Variants in PKHD1 observed in about 807,000 individuals in gnomAD.
PKHD1 encodes PKHD1 ciliary IPT domain containing fibrocystin/polyductin.
Under a neutral mutation model 412.0 loss-of-function variants are expected in PKHD1, and 291 were observed. That is an observed-to-expected ratio of 0.71 (90% CI 0.64 to 0.78). The LOEUF is 0.78. Ranked by LOEUF, PKHD1 falls within the 30% of genes least tolerant of loss-of-function variation. The pLI is 0.00. For missense variants in PKHD1, 4,825 were observed against 4,950.7 expected, an observed-to-expected ratio of 0.97 and a Z score of 0.76; for synonymous variants, 1,777 against 1,821.5, an observed-to-expected ratio of 0.98 and a Z score of 0.62.
chr6:51,694,149 T>A (rs918352751), intron 60 of PKHD1, among the ~76,000 whole-genome samples: 2 of 152,116 alleles, frequency 1.3e-5, no homozygotes, highest in African/African-American at 2.4e-5. Context: ...ATGCTTTTTT[T>A]TAAATTTTCT....
chr6:51,998,729 C>T (rs1798004235), intron 35 of PKHD1, among the ~76,000 whole-genome samples: 1 of 151,794 alleles, frequency 6.6e-6, no homozygotes, highest in Non-Finnish European at 1.5e-5. Flanking sequence ...AGTTTATTCC[C>T]TCATTAAATG....
At chr6:51,922,159 T>C (rs932237801) in intron 37 of PKHD1, among the ~76,000 whole-genome samples, 1 of 152,228 alleles carries the variant, frequency 6.6e-6, no homozygotes, top group African/African-American at 2.4e-5. Flanking sequence ...TCCTTTCTGT[T>C]AGTTTTCCTT....
rs542423610 is a variant in PKHD1 at position 51,615,771 on chromosome 6, G to C, written c.*3310C>G. The C allele has an allele frequency of 1.3e-5, 2 of 152,246 alleles. No individual in the cohort carries two copies. The highest frequency in any genetic ancestry group is 4.2e-4 in the South Asian group (2 of 4,818). The allele number at this position is 152,246 out of a possible 1,614,324, so 9.4% of individuals were successfully genotyped here. On this transcript the variant is annotated 3_prime_UTR_variant, in exon 67 of 67. Coordinates refer to ENST00000371117, the MANE Select transcript of PKHD1 (RefSeq NM_138694.4). ...GTCATTCAACTAAATTGTTGAAAGG[G>C]GAAGGCCCTGAGAGAGCTCAACTGT... is the stretch of plus-strand genomic sequence containing the variant.
intron 36 of PKHD1, among the ~76,000 whole-genome samples, chr6:51,959,328 A>G (rs1379153512): frequency 6.6e-6 from 1 of 152,152 alleles, no homozygotes; most frequent in Admixed American, 6.6e-5. Context: ...TGACTTAGCC[A>G]TTTGAAGATG....
chr6:51,789,117 T>C (rs1793344127), intron 53 of PKHD1, among the ~76,000 whole-genome samples: 1 of 152,158 alleles, frequency 6.6e-6, no homozygotes, highest in Non-Finnish European at 1.5e-5. Context: ...AAAACAAAGT[T>C]GTGTTTAGAG....
intron 60 of PKHD1, among the ~76,000 whole-genome samples, chr6:51,689,788 T>C (rs1025884432): frequency 6.6e-6 from 1 of 152,136 alleles, no homozygotes; most frequent in Non-Finnish European, 1.5e-5. Flanking sequence ...CAGCTAATTA[T>C]GGGGGTGAAA....
chr6:52,016,571 G>A (rs1800562346), intron 34 of PKHD1, among the ~76,000 whole-genome samples: 1 of 149,574 alleles, frequency 6.7e-6, no homozygotes, highest in Non-Finnish European at 1.5e-5. Flanking sequence ...GGGAGGCAGA[G>A]GTTGCAATGA....
intron 55 of PKHD1, among the ~76,000 whole-genome samples, chr6:51,769,459 C>T (rs534124366): frequency 3.4e-4 from 51 of 151,362 alleles, no homozygotes; most frequent in African/African-American, 1.2e-3. Context: ...ATATTTTTTA[C>T]ATTATAACTC....
intron 31 of PKHD1, among the ~76,000 whole-genome samples, chr6:52,026,944 T>C (rs1802279449): frequency 6.6e-6 from 1 of 152,244 alleles, no homozygotes; most frequent in Non-Finnish European, 1.5e-5. Flanking sequence ...ATCTTACACA[T>C]GATCACAACT....
intron 52 of PKHD1, among the ~76,000 whole-genome samples, chr6:51,794,399 G>T (rs1794258187): frequency 6.6e-6 from 1 of 151,958 alleles, no homozygotes; most frequent in South Asian, 2.1e-4. Context: ...GTAAATTTAA[G>T]ATCCTTATAG....
Position 51,748,639 on chromosome 6 carries a change from T to C in PKHD1, c.8977A>G (p.Ile2993Val). 6.2e-7 allele frequency: 1 copy of C among 1,613,868 alleles called. No homozygotes were observed. Among genetic ancestry groups the C allele is most frequent in the South Asian group, 1.1e-5 (1 of 91,076 alleles). ...SGVLQLLNVE[I>V]QNFGSPLYSS... is the part of the protein sequence containing the mutation. ...TACAATGGTGACCCGAAGTTCTGAA[T>C]TTCCACATTAAGAAGTTGAAGGACA... Residue 2993 changes from isoleucine to valine, a missense_variant, in exon 58 of 67, where the codon ATT becomes GTT. Physicochemically the swap from Ile to Val is conservative, Grantham distance 29. Coordinates refer to ENST00000371117, the MANE Select transcript of PKHD1 (RefSeq NM_138694.4).
At chr6:51,804,359 T>TGGGG (rs147210503) in intron 52 of PKHD1, among the ~76,000 whole-genome samples, 2 of 31,858 alleles carry the variant, frequency 6.3e-5, no homozygotes, top group Admixed American at 4.5e-4. Context: ...ACTAATTCAT[T>TGGGG]GGGGGGGGGG....
intron 60 of PKHD1, among the ~76,000 whole-genome samples, chr6:51,664,739 G>A (rs1054842415): frequency 6.6e-6 from 1 of 152,076 alleles, no homozygotes; most frequent in African/African-American, 2.4e-5. Flanking sequence ...TTACCTTCCT[G>A]ATTGCAAAGG....
intron 36 of PKHD1, among the ~76,000 whole-genome samples, chr6:51,950,220 A>AAAAAAAAAAAAAAAAAATATATAT: frequency 5.1e-5 from 5 of 98,298 alleles, no homozygotes; most frequent in African/African-American, 1.5e-4. Context: ...GAAAAAAAAA[A>AAAAAAAAAAAAAAAAAATATATAT]ATATATATAT....
intron 64 of PKHD1, 77 bp from the exon 65 acceptor site, chr6:51,632,800 T>C (rs1768088205): frequency 8.7e-7 from 1 of 1,144,138 alleles, no homozygotes; most frequent in African/African-American, 1.6e-5. Context: ...TAAAAATAAA[T>C]ACATTCATAA....
chr6:51,676,608 T>A (rs774471172), intron 60 of PKHD1, among the ~76,000 whole-genome samples: 1 of 152,228 alleles, frequency 6.6e-6, no homozygotes, highest in Non-Finnish European at 1.5e-5. Context: ...ATACCTCATT[T>A]GATTTCTAAT....
At position 51,638,960 on chromosome 6, in the gene PKHD1, CA is replaced by C. The variant is rs2150329687; in HGVS notation, c.11399-5del. On this transcript the variant is annotated splice_region_variant and splice_polypyrimidine_tract_variant and intron_variant, in intron 63 of 66. Transcript: ENST00000371117. Reference sequence around the variant, plus strand: ...TGAGTTTCTGCCTGGGTGCACCCTACAAAAAAGTACAAAACAAAAATTAGCT... The same window carrying C: ...TGAGTTTCTGCCTGGGTGCACCCTACAAAAAGTACAAAACAAAAATTAGCT... 6.3e-7 allele frequency: 1 copy of C among 1,590,986 alleles called. No individual in the cohort carries two copies. The highest frequency in any genetic ancestry group is 8.6e-7 in the Non-Finnish European group (1 of 1,158,974).
Position 52,065,982 on chromosome 6 carries a change from T to C in PKHD1, c.874A>G (p.Ile292Val), listed in dbSNP as rs367590965. 9.7e-5 allele frequency: 145 copies of C among 1,497,120 alleles called. No homozygotes were observed. The highest frequency in any genetic ancestry group is 1.3e-4 in the Non-Finnish European group (137 of 1,073,360). The allele number at this position is 1,497,120 out of a possible 1,614,324, so 92.7% of individuals were successfully genotyped here. ...GCCATTTCATCATAGTTACCTGCAA[T>C]GGTAACCTGGGCAGAATTGTCAAAA... ...DFFDNSAQVT[I>V]AGIPCDIRHV... is the part of the protein sequence containing the mutation. Residue 292 changes from isoleucine to valine, a missense_variant, in exon 12 of 67, where the codon ATT becomes GTT. Ile to Val is a conservative substitution (Grantham distance 29). Coordinates refer to ENST00000371117, the MANE Select transcript of PKHD1 (RefSeq NM_138694.4).
Position 51,830,962 on chromosome 6 carries a change from A to G in PKHD1, c.8201T>C (p.Leu2734Ser). ...SASTSAPESA[L>S]KWSLPETWQG... ...CCATGTTTCAGGGAGGGACCATTTT[A>G]AAGCTGATTCAGGGGCAGAGGTAGA... is the stretch of plus-strand genomic sequence containing the variant. Residue 2734 changes from leucine to serine, a missense_variant, in exon 52 of 67, where the codon TTA becomes TCA. Leu to Ser is a moderately radical substitution (Grantham distance 145, BLOSUM62 -2). Coordinates refer to ENST00000371117, the MANE Select transcript of PKHD1 (RefSeq NM_138694.4). 1 of 1,612,426 alleles carries G rather than the reference A, an allele frequency of 6.2e-7. No homozygotes were observed.
Sources: allele counts gnomAD v4.1 joint callset (sites outside exome capture counted in the v4.1 genomes callset), GRCh38; gene constraint gnomAD v4.1.1; transcripts MANE v1.5; gene names NCBI Gene and HGNC (gene_info 2026-07-23, HGNC 2026-07-21).